Variants in TDRP observed in about 807,000 individuals in gnomAD.
TDRP encodes the protein testis development-related protein.
Under a neutral mutation model 10.5 loss-of-function variants are expected in TDRP, and 12 were observed. That is an observed-to-expected ratio of 1.15 (90% CI 0.73 to 1.86). TDRP has a LOEUF of 1.86. Among genes scored for constraint, TDRP ranks in the 40% most tolerant of loss-of-function variants. The pLI is 0.00. For missense variants in TDRP, 353 were observed against 229.2 expected (o/e 1.54, Z -3.49); for synonymous variants, 139 against 95.4 (o/e 1.46, Z -2.67).
In TDRP at chr8:520,099, G is replaced by A. The variant is rs1019003288; in HGVS notation, c.108+24551C>T. On this transcript the variant is annotated intron_variant, in intron 1 of 2. Transcript: ENST00000324079. The stretch of plus-strand genomic sequence containing the variant: ...GTTTTGTTTCAAAGTTATATCCTGT[G>A]GTTGGGGAGAAAAGTGGAAAGAAAA... 3.3e-5 allele frequency among the ~76,000 whole-genome samples: 5 copies of A among 152,318 alleles called. No homozygotes were observed. In the South Asian group the frequency reaches 1.0e-3, roughly 32 times the overall value.
chr8:509,334 T>A lies in TDRP; in HGVS notation c.109-14737A>T, dbSNP rs555701263. ...CCTTCCATACTGGCCCAGCAGAGGT[T>A]CTCCATGAGTGCTCTGCCCCTGCAG... is the stretch of plus-strand genomic sequence containing the variant. On this transcript the variant is annotated intron_variant, in intron 1 of 2. Transcript: ENST00000324079. Among the ~76,000 whole-genome samples the A allele has an allele frequency of 2.4e-4, 37 of 152,322 alleles. No homozygotes were observed. The South Asian group carries it at 3.7e-3, about 15-fold the overall frequency.
Position 491,607 on chromosome 8 carries a change from G to C in TDRP, c.*792C>G, listed in dbSNP as rs759556093. 1.3e-6 allele frequency: 2 copies of C among 1,530,340 alleles called. No homozygotes were observed. Among genetic ancestry groups the C allele is most frequent in the South Asian group, 2.4e-5 (2 of 82,534 alleles). The allele number at this position is 1,530,340 out of a possible 1,614,324, so 94.8% of individuals were successfully genotyped here. On this transcript the variant is annotated 3_prime_UTR_variant, in exon 3 of 3. Transcript: ENST00000324079. ...ATGCACAGTCTTAACTCTCTATAAT[G>C]AGCAAGACAATGTTTCCTAAATGAA...
At chr8:522,801 G>C (rs1439162203) in intron 1 of TDRP, among the ~76,000 whole-genome samples, 1 of 152,138 alleles carries the variant, frequency 6.6e-6, no homozygotes, top group Admixed American at 6.5e-5. Context: ...TTTTGTGACA[G>C]TTTTTGACTT....
chr8:532,270 G>A (rs1038264644), intron 1 of TDRP, among the ~76,000 whole-genome samples: 2 of 152,198 alleles, frequency 1.3e-5, no homozygotes, highest in African/African-American at 4.8e-5. Flanking sequence ...AGCCTTGCAG[G>A]GTGAAGGATG....
intron 1 of TDRP, among the ~76,000 whole-genome samples, chr8:522,552 T>G (rs1216923368): frequency 6.6e-6 from 1 of 152,210 alleles, no homozygotes; most frequent in East Asian, 1.9e-4. Flanking sequence ...AATAATGTAA[T>G]GCATGTCTTA....
intron 1 of TDRP, among the ~76,000 whole-genome samples, chr8:501,981 C>G (rs1177667791): frequency 3.3e-5 from 5 of 152,212 alleles, no homozygotes; most frequent in Admixed American, 3.3e-4. Flanking sequence ...TGTCTTAAAG[C>G]TGTTCTGGGG....
intron 1 of TDRP, among the ~76,000 whole-genome samples, chr8:518,070 C>G (rs1317993903): frequency 6.6e-6 from 1 of 152,184 alleles, no homozygotes; most frequent in Admixed American, 6.5e-5. Context: ...TCCAGACTCA[C>G]AGAACAGACA....
chr8:523,324 T>TC (rs1563127551), intron 1 of TDRP, among the ~76,000 whole-genome samples: 2 of 152,222 alleles, frequency 1.3e-5, no homozygotes, highest in African/African-American at 4.8e-5. Context: ...ATTAATTTTT[T>TC]CGGGGGGAAT....
chr8:506,256 T>G (rs550071946), intron 1 of TDRP, among the ~76,000 whole-genome samples: 1 of 152,130 alleles, frequency 6.6e-6, no homozygotes, highest in African/African-American at 2.4e-5. Context: ...TCATGAAAAT[T>G]CTTAAACATT....
chr8:541,442 C>T (rs767140960), intron 1 of TDRP, among the ~76,000 whole-genome samples: 1 of 152,142 alleles, frequency 6.6e-6, no homozygotes, highest in East Asian at 1.9e-4. Context: ...AACTTCTGCT[C>T]TGAAAAAGAC....
intron 1 of TDRP, among the ~76,000 whole-genome samples, chr8:530,810 A>T (rs555347301): frequency 3.3e-5 from 5 of 152,124 alleles, no homozygotes; most frequent in Non-Finnish European, 7.3e-5. Context: ...CCCCCTGAAA[A>T]GCCAGAATGT....
intron 1 of TDRP, among the ~76,000 whole-genome samples, chr8:498,913 C>T (rs971018078): frequency 2.0e-5 from 3 of 151,948 alleles, no homozygotes; most frequent in Non-Finnish European, 4.4e-5. Flanking sequence ...CTCCTGCCAC[C>T]AAGTAAGATG....
At chr8:503,215 C>T (rs1415319121) in intron 1 of TDRP, among the ~76,000 whole-genome samples, 1 of 151,980 alleles carries the variant, frequency 6.6e-6, no homozygotes, top group Non-Finnish European at 1.5e-5. Context: ...CACAGCCACA[C>T]ACTGGAAGCA....
chr8:537,197 G>C (rs569209662), intron 1 of TDRP, among the ~76,000 whole-genome samples: 1 of 152,322 alleles, frequency 6.6e-6, no homozygotes, highest in African/African-American at 2.4e-5. Context: ...TCCTGGGCTG[G>C]CTCCCTGCCT....
At chr8:531,826 T>G (rs899444643) in intron 1 of TDRP, among the ~76,000 whole-genome samples, 2 of 152,184 alleles carry the variant, frequency 1.3e-5, no homozygotes, top group East Asian at 3.9e-4. Flanking sequence ...AAAGGAGATG[T>G]GAGTAGTTAC....
intron 1 of TDRP, among the ~76,000 whole-genome samples, chr8:544,239 G>C (rs1201041498): frequency 6.6e-6 from 1 of 152,088 alleles, no homozygotes; most frequent in Non-Finnish European, 1.5e-5. Flanking sequence ...CTCCACCCGG[G>C]ACGCGAGCAC....
At chr8:508,067 C>G (rs1033114934) in intron 1 of TDRP, among the ~76,000 whole-genome samples, 1 of 152,044 alleles carries the variant, frequency 6.6e-6, no homozygotes, top group Non-Finnish European at 1.5e-5. Context: ...TTCAAAGAAC[C>G]ATTATAAATA....
chr8:522,818 G>C (rs1020217726), intron 1 of TDRP, among the ~76,000 whole-genome samples: 2 of 152,106 alleles, frequency 1.3e-5, no homozygotes, highest in Admixed American at 6.5e-5. Flanking sequence ...ACTTTTATCC[G>C]ATATAAGTAG....
At chr8:525,770 G>A (rs538281009) in intron 1 of TDRP, among the ~76,000 whole-genome samples, 28 of 152,242 alleles carry the variant, frequency 1.8e-4, no homozygotes, top group African/African-American at 5.5e-4. Context: ...AGAAAAGACC[G>A]CAGAACAACC....
Sources: allele counts gnomAD v4.1 joint callset (sites outside exome capture counted in the v4.1 genomes callset), GRCh38; gene constraint gnomAD v4.1.1; transcripts MANE v1.5; gene names NCBI Gene and HGNC (gene_info 2026-07-23, HGNC 2026-07-21).